The following PRKX variants were observed in gnomAD, a reference collection of about 807,000 sequenced individuals.
The protein encoded by PRKX is protein kinase cAMP-dependent X-linked catalytic subunit, also known as cAMP-dependent protein kinase catalytic subunit PRKX.
A neutral mutation model predicts 22.0 loss-of-function variants in PRKX; 12 were observed. That is an observed-to-expected ratio of 0.54 (90% CI 0.35 to 0.88). The LOEUF is 0.88. Among genes scored for constraint, PRKX ranks in the 40% least tolerant of loss-of-function variants. The pLI, the probability that PRKX is intolerant of heterozygous loss-of-function variation, is 0.01. For missense variants in PRKX, 217 were observed against 308.0 expected (o/e 0.70, Z 2.21); for synonymous variants, 134 against 137.7 (o/e 0.97, Z 0.19).
At chrX:3,673,438 G>A (rs923399779) in intron 2 of PRKX, among the ~76,000 whole-genome samples, 30 of 110,914 alleles carry the variant, frequency 2.7e-4, no homozygotes, top group African/African-American at 9.9e-4. Context: ...AAAGGAGAGA[G>A]GCAGGTCATT....
intron 3 of PRKX, among the ~76,000 whole-genome samples, chrX:3,652,532 C>T (rs1353799291): frequency 9.1e-6 from 1 of 109,561 alleles, no homozygotes; most frequent in Non-Finnish European, 1.9e-5. Flanking sequence ...TGCAGTGAGC[C>T]GAGATTGTGC....
intron 3 of PRKX, among the ~76,000 whole-genome samples, chrX:3,652,242 T>C (rs201578622): frequency 9.1e-6 from 1 of 110,031 alleles, no homozygotes; most frequent in Non-Finnish European, 1.9e-5. Flanking sequence ...CACAGTGAAA[T>C]CCCGTCTCTA....
At chrX:3,700,749 T>TTTGCTGTTG (rs1555898379) in intron 1 of PRKX, among the ~76,000 whole-genome samples, 1 of 105,468 alleles carries the variant, frequency 9.5e-6, no homozygotes, top group African/African-American at 3.5e-5. Flanking sequence ...CAGCTAATTG[T>TTTGCTGTTG]TTGTTGTTGT....
chrX:3,695,722 A>T (rs1202604686), intron 1 of PRKX, among the ~76,000 whole-genome samples: 1 of 111,742 alleles, frequency 8.9e-6, no homozygotes, highest in Non-Finnish European at 1.9e-5. Flanking sequence ...ATCTTCTCTT[A>T]GGTTCTCCGA....
At chrX:3,704,779 T>C (rs1214432599) in intron 1 of PRKX, among the ~76,000 whole-genome samples, 2 of 112,200 alleles carry the variant, frequency 1.8e-5, no homozygotes, top group Non-Finnish European at 3.8e-5. Flanking sequence ...TTATTCTTTT[T>C]ACAGGCTGAA....
intron 1 of PRKX, among the ~76,000 whole-genome samples, chrX:3,701,763 G>A (rs1033150252): frequency 9.0e-6 from 1 of 111,358 alleles, no homozygotes; most frequent in Non-Finnish European, 1.9e-5. Flanking sequence ...AAAGAAGCTG[G>A]CCAAATCCCA....
chrX:3,638,360 A>C (rs1452420329), intron 4 of PRKX, among the ~76,000 whole-genome samples: 1 of 111,626 alleles, frequency 9.0e-6, no homozygotes, highest in Non-Finnish European at 1.9e-5. Context: ...GTATTCTAAT[A>C]ATAGTCTACT....
At chrX:3,650,437 C>T (rs779111927) in intron 3 of PRKX, among the ~76,000 whole-genome samples, 6 of 93,033 alleles carry the variant, frequency 6.4e-5, no homozygotes, top group Admixed American at 1.5e-4. Context: ...AGGAGAATGG[C>T]GTGAACCCGG....
At chrX:3,691,237 C>A (rs894872547) in intron 1 of PRKX, among the ~76,000 whole-genome samples, 1 of 111,332 alleles carries the variant, frequency 9.0e-6, no homozygotes, top group Non-Finnish European at 1.9e-5. Flanking sequence ...TTACACCGTA[C>A]GTCTTACATT....
At chrX:3,705,720 T>C (rs1470632638) in intron 1 of PRKX, among the ~76,000 whole-genome samples, 1 of 106,086 alleles carries the variant, frequency 9.4e-6, no homozygotes, top group Non-Finnish European at 1.9e-5. Context: ...AGAGTCTTGC[T>C]CTGTCGCCCA....
At chrX:3,629,658 TTTTTC>T (rs758635406) in intron 4 of PRKX, among the ~76,000 whole-genome samples, 35 of 108,695 alleles carry the variant, frequency 3.2e-4, no homozygotes, top group Non-Finnish European at 6.2e-4. Flanking sequence ...AGATATCATA[TTTTTC>T]TTTTGTTTTG....
intron 1 of PRKX, among the ~76,000 whole-genome samples, chrX:3,697,913 C>G (rs73625738): frequency 0.022 from 2,456 of 111,620 alleles, 68 homozygotes; most frequent in African/African-American, 0.077. Flanking sequence ...ACAGAACATG[C>G]TTTCTGGAAC....
intron 4 of PRKX, among the ~76,000 whole-genome samples, chrX:3,634,346 G>A (rs768744933): frequency 4.4e-4 from 49 of 110,766 alleles, no homozygotes; most frequent in Non-Finnish European, 8.3e-4. Context: ...AGGGGAACTT[G>A]AGGGCCAGTT....
chrX:3,645,641 G>A (rs1276033652), intron 3 of PRKX, among the ~76,000 whole-genome samples: 3 of 112,711 alleles, frequency 2.7e-5, no homozygotes, highest in Admixed American at 9.4e-5. Flanking sequence ...ACGGCAAGAT[G>A]GTTCAAACAG....
At chrX:3,635,443 G>A (rs1455357420) in intron 4 of PRKX, among the ~76,000 whole-genome samples, 6 of 111,599 alleles carry the variant, frequency 5.4e-5, no homozygotes, top group African/African-American at 9.8e-5. Flanking sequence ...AACACACTTC[G>A]GGAACCCCAT....
intron 1 of PRKX, among the ~76,000 whole-genome samples, chrX:3,689,895 T>C (rs2146604355): frequency 1.8e-5 from 2 of 111,031 alleles, no homozygotes; most frequent in African/African-American, 6.5e-5. Context: ...GAGGATGGCG[T>C]GAACCCGGGA....
chrX:3,713,209 G>A lies in PRKX; in HGVS notation c.45C>T (p.Asp15=). 9.2e-7 allele frequency: 1 copy of A among 1,082,856 alleles called. No homozygotes were observed. Among genetic ancestry groups the A allele is most frequent in the Non-Finnish European group, 1.2e-6 (1 of 842,581 alleles). 89.2% of individuals were successfully genotyped at this position (1,082,856 alleles called of 1,213,427 possible). The change falls in exon 1 of 9, where the codon GAC becomes GAT. Residue 15 remains aspartate (D), a synonymous_variant. Coordinates refer to ENST00000262848, the MANE Select transcript of PRKX (RefSeq NM_005044.5). ...GGGTCTCCTCCGCCACCTTGCGGGA[G>A]TCGCTCTCCGCCGCGGCCGCCTGGG... The part of the protein sequence containing the change: ...GLAQAAAAES[D]SRKVAEETPD...
chrX:3,611,092 A>C (rs1425061693), intron 8 of PRKX: 1 of 112,034 alleles, frequency 8.9e-6, no homozygotes, highest in Non-Finnish European at 1.9e-5. Flanking sequence ...CCATGGAGAC[A>C]GGTTATCTTC....
At chrX:3,631,800 A>AG (rs2146566402) in intron 4 of PRKX, among the ~76,000 whole-genome samples, 1 of 112,671 alleles carries the variant, frequency 8.9e-6, no homozygotes, top group South Asian at 3.7e-4. Flanking sequence ...AGCCCCCAGG[A>AG]ACTGGGAGAG....
Sources: gnomAD v4.1 joint callset for allele counts (sites outside exome capture counted in the v4.1 genomes callset) on GRCh38, gnomAD v4.1.1 for gene constraint, MANE v1.5 for transcripts, NCBI Gene and HGNC (gene_info 2026-07-23, HGNC 2026-07-21) for gene names.